Variants in PPFIA2 observed in about 807,000 individuals in gnomAD.
PPFIA2 encodes the protein PPFI scaffold protein A2.
In PPFIA2, 46 loss-of-function variants were observed where a neutral mutation model predicts 175.5. That is an observed-to-expected ratio of 0.26 (90% CI 0.21 to 0.34). The LOEUF is 0.34. PPFIA2 is among the 10% of genes least tolerant of loss of function. The probability of loss-of-function intolerance (pLI) is 1.00; values close to 1 mark genes in which losing one functional copy is unlikely to be tolerated. For missense variants in PPFIA2, 1,179 were observed against 1,506.1 expected (o/e 0.78, Z 3.60); for synonymous variants, 568 against 511.4 (o/e 1.11, Z -1.49).
chr12:81,324,956 A>C (rs1191527618), intron 22 of PPFIA2, among the ~76,000 whole-genome samples: 2 of 152,034 alleles, frequency 1.3e-5, no homozygotes, highest in East Asian at 3.9e-4. Flanking sequence ...TCAATTGATT[A>C]GCCTGTATAT....
intron 4 of PPFIA2, among the ~76,000 whole-genome samples, chr12:81,501,520 G>T (rs1321904192): frequency 6.6e-6 from 1 of 151,940 alleles, no homozygotes; most frequent in Non-Finnish European, 1.5e-5. Flanking sequence ...TTCGAGCACT[G>T]TTGTATTACA....
At chr12:81,687,720 C>T (rs188149053) in intron 3 of PPFIA2, among the ~76,000 whole-genome samples, 3 of 151,992 alleles carry the variant, frequency 2.0e-5, no homozygotes, top group Admixed American at 2.0e-4. Context: ...ATAAATCAAT[C>T]TATGTCCTAG....
intron 4 of PPFIA2, among the ~76,000 whole-genome samples, chr12:81,576,377 T>C (rs2073548299): frequency 6.6e-6 from 1 of 151,768 alleles, no homozygotes; most frequent in South Asian, 2.1e-4. Flanking sequence ...GAACTTCCTG[T>C]ATCCAGCAGT....
chr12:81,663,370 T>C (rs529594285), intron 4 of PPFIA2, among the ~76,000 whole-genome samples: 1 of 152,208 alleles, frequency 6.6e-6, no homozygotes, highest in African/African-American at 2.4e-5. Flanking sequence ...TCTGCAAAAA[T>C]CACAAACATT....
At position 81,665,347 on chromosome 12, in the gene PPFIA2, C is replaced by T. The variant is rs369779457; in HGVS notation, c.303+11444G>A. 4.6e-5 allele frequency among the ~76,000 whole-genome samples: 7 copies of T among 152,020 alleles called. 1 individual carries two copies. In the South Asian group the frequency reaches 1.5e-3, roughly 32 times the overall value. On this transcript the variant is annotated intron_variant, in intron 4 of 32. Coordinates refer to ENST00000549396, the MANE Select transcript of PPFIA2 (RefSeq NM_003625.5). Reference sequence around the variant, plus strand: ...CACATTAATCATCAGAATGATTAAACAATATGTTAAGATATTTCCAAAATG... The same window carrying T: ...CACATTAATCATCAGAATGATTAAATAATATGTTAAGATATTTCCAAAATG...
At chr12:81,748,183 A>G (rs1199256786) in intron 3 of PPFIA2, among the ~76,000 whole-genome samples, 3 of 144,044 alleles carry the variant, frequency 2.1e-5, no homozygotes, top group Non-Finnish European at 4.7e-5. Flanking sequence ...TTATATTTCA[A>G]TTATCTTTTC....
At chr12:81,369,454 G>T (rs2034494327) in intron 11 of PPFIA2, 2 of 1,288,368 alleles carry the variant, frequency 1.6e-6, no homozygotes, top group East Asian at 8.0e-5. Context: ...TGCAGACTGT[G>T]CATGGTTTGA....
At chr12:81,640,814 GCATT>G (rs1486234341) in intron 4 of PPFIA2, among the ~76,000 whole-genome samples, 1 of 151,828 alleles carries the variant, frequency 6.6e-6, no homozygotes, top group Non-Finnish European at 1.5e-5. Context: ...TATTTTGCTT[GCATT>G]ATTTCATAAT....
At chr12:81,617,642 T>A (rs2061541489) in intron 4 of PPFIA2, among the ~76,000 whole-genome samples, 2 of 152,200 alleles carry the variant, frequency 1.3e-5, no homozygotes, top group Middle Eastern at 3.2e-3. Context: ...CTGTACAATA[T>A]ATGGCCCTGG....
intron 7 of PPFIA2, among the ~76,000 whole-genome samples, chr12:81,422,379 A>G (rs1315737394): frequency 6.6e-6 from 1 of 152,026 alleles, no homozygotes; most frequent in Non-Finnish European, 1.5e-5. Context: ...CTGCATGACT[A>G]CTTTTAACTG....
At chr12:81,477,025 A>G (rs2057559556) in intron 4 of PPFIA2, among the ~76,000 whole-genome samples, 1 of 151,962 alleles carries the variant, frequency 6.6e-6, no homozygotes, top group Non-Finnish European at 1.5e-5. Flanking sequence ...ACATGGACAC[A>G]GGGAGGGGAA....
intron 4 of PPFIA2, among the ~76,000 whole-genome samples, chr12:81,565,204 G>C (rs1383463738): frequency 6.6e-6 from 1 of 152,144 alleles, no homozygotes; most frequent in East Asian, 1.9e-4. Flanking sequence ...TGTGCTGCCT[G>C]AGGCAACAGT....
At chr12:81,414,822 T>C (rs990786105) in intron 7 of PPFIA2, among the ~76,000 whole-genome samples, 2 of 151,438 alleles carry the variant, frequency 1.3e-5, no homozygotes, top group Non-Finnish European at 3.0e-5. Context: ...TTAAGCAACT[T>C]TCAGTCACAA....
intron 3 of PPFIA2, among the ~76,000 whole-genome samples, chr12:81,690,164 T>C (rs970213653): frequency 2.0e-5 from 3 of 152,080 alleles, no homozygotes; most frequent in African/African-American, 4.8e-5. Flanking sequence ...TAAACTGGAT[T>C]GTGAATCTTG....
At chr12:81,469,532 T>C (rs2056358139) in intron 4 of PPFIA2, among the ~76,000 whole-genome samples, 2 of 152,230 alleles carry the variant, frequency 1.3e-5, no homozygotes, top group African/African-American at 2.4e-5. Context: ...AAATGTATGT[T>C]GAATGAAAAT....
intron 4 of PPFIA2, among the ~76,000 whole-genome samples, chr12:81,626,551 G>A (rs183068673): frequency 5.3e-5 from 8 of 152,164 alleles, no homozygotes; most frequent in Non-Finnish European, 7.4e-5. Flanking sequence ...GAGTCACCCT[G>A]CAGTATGTCT....
chr12:81,758,149 C>G (rs1210889208), intron 2 of PPFIA2, among the ~76,000 whole-genome samples: 2 of 152,182 alleles, frequency 1.3e-5, no homozygotes, highest in Non-Finnish European at 2.9e-5. Context: ...CCACACCCCC[C>G]ACCACCTTGA....
intron 4 of PPFIA2, among the ~76,000 whole-genome samples, chr12:81,659,260 C>A (rs991595107): frequency 2.0e-5 from 3 of 152,034 alleles, no homozygotes; most frequent in Non-Finnish European, 2.9e-5. Flanking sequence ...CGAAGCAGGG[C>A]GAGGCATCAC....
chr12:81,720,335 A>C (rs1046846181), intron 3 of PPFIA2, among the ~76,000 whole-genome samples: 3 of 151,502 alleles, frequency 2.0e-5, no homozygotes, highest in African/African-American at 7.3e-5. Context: ...ACTGACACTA[A>C]ATACATTTGG....
Sources: allele counts gnomAD v4.1 joint callset (sites outside exome capture counted in the v4.1 genomes callset), GRCh38; gene constraint gnomAD v4.1.1; transcripts MANE v1.5; gene names NCBI Gene and HGNC (gene_info 2026-07-23, HGNC 2026-07-21).